The following ARFGAP3 variants were observed in gnomAD, a reference collection of about 807,000 sequenced individuals.
ARFGAP3 encodes ARF GTPase activating protein 3.
A neutral mutation model predicts 75.0 loss-of-function variants in ARFGAP3; 72 were observed. The ratio of observed to expected loss-of-function variants is 0.96; its 90% confidence interval spans 0.79 to 1.17. The LOEUF is 1.17. ARFGAP3 is among the 50% of genes most tolerant of loss of function. The probability of loss-of-function intolerance (pLI) is 0.00; values close to 1 mark genes in which losing one functional copy is unlikely to be tolerated. For missense variants in ARFGAP3, 620 were observed against 626.6 expected (o/e 0.99, Z 0.11); for synonymous variants, 221 against 217.9 (o/e 1.01, Z -0.13).
chr22:42,838,454 T>C (rs2146570724), intron 3 of ARFGAP3, among the ~76,000 whole-genome samples: 2 of 152,052 alleles, frequency 1.3e-5, no homozygotes, highest in East Asian at 1.9e-4. Context: ...GGTTCCACTA[T>C]GCCTTGCTAA....
intron 9 of ARFGAP3, 156 bp from the exon 10 acceptor site, chr22:42,818,013 C>A (rs1474854248): frequency 1.4e-6 from 1 of 694,132 alleles, no homozygotes. Flanking sequence ...TTTCTACCTG[C>A]CTTTTTTGAA....
At chr22:42,835,525 C>T (rs754274592) in intron 3 of ARFGAP3, 32 bp from the exon 4 acceptor site, 7 of 1,608,990 alleles carry the variant, frequency 4.4e-6, no homozygotes, top group Admixed American at 1.7e-5. Flanking sequence ...TTAATATTTT[C>T]GTAAAACTAC....
chr22:42,837,620 CAAA>C (rs574222602), intron 3 of ARFGAP3, among the ~76,000 whole-genome samples: 49 of 66,560 alleles, frequency 7.4e-4, no homozygotes, highest in African/African-American at 1.9e-3. Context: ...GACTCTATCT[CAAA>C]AAAAAAAAAA....
At chr22:42,812,837 G>A (rs879777594) in intron 11 of ARFGAP3, among the ~76,000 whole-genome samples, 4 of 152,230 alleles carry the variant, frequency 2.6e-5, no homozygotes, top group African/African-American at 9.6e-5. Context: ...GAAGGAAAAC[G>A]TGGTGTTCAA....
intron 1 of ARFGAP3, among the ~76,000 whole-genome samples, chr22:42,856,518 C>A (rs1227129947): frequency 6.6e-6 from 1 of 152,178 alleles, no homozygotes; most frequent in Non-Finnish European, 1.5e-5. Flanking sequence ...AAAAGGAAAC[C>A]TCCATCTCCA....
chr22:42,817,060 T>C, intron 11 of ARFGAP3, 82 bp downstream of exon 11: 1 of 993,728 alleles, frequency 1.0e-6, no homozygotes, highest in Non-Finnish European at 1.6e-6. Flanking sequence ...TTGTAATTTC[T>C]CCTAATGCAA....
intron 11 of ARFGAP3, among the ~76,000 whole-genome samples, chr22:42,815,412 CTT>C (rs1291554913): frequency 0.021 from 2,844 of 136,442 alleles, 45 homozygotes; most frequent in Non-Finnish European, 0.031. Flanking sequence ...TAAACTACTA[CTT>C]TTTTTTTTTT....
intron 1 of ARFGAP3, among the ~76,000 whole-genome samples, chr22:42,848,287 C>T (rs1927114046): frequency 6.6e-6 from 1 of 152,080 alleles, no homozygotes; most frequent in South Asian, 2.1e-4. Context: ...CGTCTCACTG[C>T]AAGCTCCGCC....
chr22:42,814,956 C>T (rs982995071), intron 11 of ARFGAP3, among the ~76,000 whole-genome samples: 1 of 152,112 alleles, frequency 6.6e-6, no homozygotes, highest in African/African-American at 2.4e-5. Context: ...CAGTCTGGTC[C>T]TGAATTCCTG....
At chr22:42,834,543 A>G (rs1264424966) in intron 4 of ARFGAP3, 4 of 269,934 alleles carry the variant, frequency 1.5e-5, no homozygotes. Context: ...CAAGGACCTC[A>G]AACACATAAA....
At chr22:42,843,180 C>A (rs1926862871) in intron 2 of ARFGAP3, among the ~76,000 whole-genome samples, 1 of 152,088 alleles carries the variant, frequency 6.6e-6, no homozygotes, top group Admixed American at 6.6e-5. Flanking sequence ...AGTCAGCCTC[C>A]CCACATGCCT....
intron 1 of ARFGAP3, 53 bp downstream of exon 1, chr22:42,857,061 C>T (rs1602141957): frequency 1.4e-6 from 2 of 1,467,248 alleles, no homozygotes; most frequent in African/African-American, 1.5e-5. Flanking sequence ...CGGGGCCTCC[C>T]GCCGGTTCCC....
rs9623705 is a variant in ARFGAP3, at chr22:42,827,026, C to T, written c.566-27G>A. On this transcript the variant is annotated intron_variant, in intron 6 of 15. Coordinates refer to ENST00000263245, the MANE Select transcript of ARFGAP3 (RefSeq NM_014570.5). ...TGAAAATTCAAAACATTGATATTAG[C>T]GCAGAAAATATACTCAGCTAACTTG... 1.5e-3 allele frequency: 2,406 copies of T among 1,612,180 alleles called. 30 individuals carry two copies. The African/African-American group carries it at 0.028, about 19-fold the overall frequency.
chr22:42,808,957 T>G (rs1443432256), intron 12 of ARFGAP3, 67 bp from the exon 13 acceptor site: 1 of 1,368,394 alleles, frequency 7.3e-7, no homozygotes, highest in Non-Finnish European at 9.5e-7. Context: ...TTCATACTCA[T>G]TTTATTTTTT....
At chr22:42,804,768 G>A (rs1161396023) in intron 14 of ARFGAP3, among the ~76,000 whole-genome samples, 6 of 151,900 alleles carry the variant, frequency 3.9e-5, no homozygotes, top group African/African-American at 1.5e-4. Flanking sequence ...CGCCTACCTC[G>A]GCCTCCCAAA....
intron 14 of ARFGAP3, among the ~76,000 whole-genome samples, chr22:42,800,138 GGAGGGGC>G (rs1474988019): frequency 1.3e-5 from 2 of 152,174 alleles, no homozygotes; most frequent in African/African-American, 4.8e-5. Context: ...ATAAGACGCT[GGAGGGGC>G]TCAGTGAGCT....
intron 6 of ARFGAP3, among the ~76,000 whole-genome samples, chr22:42,829,521 C>A: frequency 6.7e-6 from 1 of 149,066 alleles, no homozygotes; most frequent in Non-Finnish European, 1.5e-5. Flanking sequence ...CAGGCATCTA[C>A]GGTCATATGC....
At chr22:42,850,485 A>T (rs1199088365) in intron 1 of ARFGAP3, among the ~76,000 whole-genome samples, 1 of 141,596 alleles carries the variant, frequency 7.1e-6, no homozygotes, top group Non-Finnish European at 1.5e-5. Context: ...AGGTGAGAGG[A>T]TCGCTTGAGC....
At position 42,835,459 on chromosome 22, in the gene ARFGAP3, T is replaced by C. The variant is rs142981529; in HGVS notation, c.296A>G (p.Asn99Ser). 359 of 1,614,094 alleles carry C rather than the reference T, an allele frequency of 2.2e-4. 1 individual carries two copies. Among genetic ancestry groups the C allele is most frequent in the East Asian group, 4.9e-4 (22 of 44,886 alleles). The change falls in exon 4 of 16, where the codon AAT becomes AGT. Residue 99 changes from asparagine to serine, a missense_variant. Physicochemically the swap from Asn to Ser is conservative, Grantham distance 46. Transcript: ENST00000263245. ...ACTGTTGTACTTGGCATTGGTGTCA[T>C]TGGTGGAACACCCATGTTGATGAAA... The part of the protein sequence containing the change: ...SFFHQHGCST[N>S]DTNAKYNSRA...
Sources: allele counts gnomAD v4.1 joint callset (sites outside exome capture counted in the v4.1 genomes callset), GRCh38; gene constraint gnomAD v4.1.1; transcripts MANE v1.5; gene names NCBI Gene and HGNC (gene_info 2026-07-23, HGNC 2026-07-21).